The following CDYL variants were observed in gnomAD, a reference collection of about 807,000 sequenced individuals.
The protein encoded by CDYL is chromodomain Y-like protein.
A neutral mutation model predicts 47.3 loss-of-function variants in CDYL; 8 were observed. The ratio of observed to expected loss-of-function variants is 0.17; its 90% CI spans 0.10 to 0.31. The LOEUF (loss-of-function observed/expected upper bound fraction) is 0.31, where lower values mean the gene tolerates loss of function less well. Among genes scored for constraint, CDYL ranks in the 10% least tolerant of loss-of-function variants. CDYL has a pLI of 1.00. For synonymous variants in CDYL, 266 were observed against 265.0 expected, an observed-to-expected ratio of 1.00 and a Z score of -0.04; for missense variants, 471 against 701.4, an observed-to-expected ratio of 0.67 and a Z score of 3.71.
intron 2 of CDYL, among the ~76,000 whole-genome samples, chr6:4,932,967 T>C (rs1235415569): frequency 2.0e-5 from 3 of 152,182 alleles, no homozygotes; most frequent in Non-Finnish European, 4.4e-5. Context: ...TGCTTACGAG[T>C]GGCCTCTCAT....
At chr6:4,724,698 G>C (rs959844306) in intron 2 of CDYL, 1 of 152,166 alleles carries the variant, frequency 6.6e-6, no homozygotes, top group African/African-American at 2.4e-5. Context: ...CAGCGCGTCT[G>C]GAATTCTTCG....
At chr6:4,948,149 C>G (rs1374338322) in intron 5 of CDYL, among the ~76,000 whole-genome samples, 2 of 152,122 alleles carry the variant, frequency 1.3e-5, no homozygotes, top group African/African-American at 2.4e-5. Context: ...TGGAACATCC[C>G]GTGAATCTCA....
At chr6:4,842,121 A>G (rs952844890) in intron 1 of CDYL, among the ~76,000 whole-genome samples, 43 of 143,356 alleles carry the variant, frequency 3.0e-4, no homozygotes, top group African/African-American at 1.1e-3. Flanking sequence ...TTTATATATA[A>G]ACTTGTTAAT....
At chr6:4,935,170 T>C (rs1381739361) in intron 2 of CDYL, among the ~76,000 whole-genome samples, 1 of 152,238 alleles carries the variant, frequency 6.6e-6, no homozygotes, top group Non-Finnish European at 1.5e-5. Flanking sequence ...CTTTTTTCTT[T>C]CGGCTTCTCA....
chr6:4,855,749 T>A (rs961856582), intron 1 of CDYL, among the ~76,000 whole-genome samples: 4 of 152,232 alleles, frequency 2.6e-5, no homozygotes, highest in African/African-American at 9.7e-5. Flanking sequence ...AACCTGACTA[T>A]GGGCAACACA....
chr6:4,874,577 TTAAA>T (rs1365066910), intron 1 of CDYL, among the ~76,000 whole-genome samples: 1 of 152,200 alleles, frequency 6.6e-6, no homozygotes, highest in Non-Finnish European at 1.5e-5. Flanking sequence ...GCTAGGTGCG[TTAAA>T]TGAGATATGG....
chr6:4,740,942 G>A (rs915139450), intron 3 of CDYL, among the ~76,000 whole-genome samples: 6 of 151,762 alleles, frequency 4.0e-5, no homozygotes, highest in Non-Finnish European at 7.4e-5. Flanking sequence ...ATGTGCCACC[G>A]TGCCTGGCTA....
Position 4,739,503 on chromosome 6 carries a change from A to G in CDYL, c.186+4659A>G, listed in dbSNP as rs1378149503. ...CATTTGCACTCCAGCCTGGGTGACA[A>G]GAGTAAAACTCTGACTCAAAAAAAA... On this transcript the variant is annotated intron_variant, in intron 3 of 8. Coordinates refer to the CDYL transcript ENST00000328908. 1.3e-5 allele frequency among the ~76,000 whole-genome samples: 2 copies of G among 149,878 alleles called. 1 individual carries two copies. The highest frequency in any genetic ancestry group is 4.9e-5 in the African/African-American group (2 of 40,928).
intron 2 of CDYL, among the ~76,000 whole-genome samples, chr6:4,723,636 C>G (rs1287118230): frequency 1.3e-5 from 2 of 152,102 alleles, no homozygotes; most frequent in Non-Finnish European, 2.9e-5. Context: ...ACTGTGCCTC[C>G]CACTGGGTAA....
intron 1 of CDYL, among the ~76,000 whole-genome samples, chr6:4,869,113 C>A (rs570167042): frequency 7.1e-6 from 1 of 141,258 alleles, no homozygotes; most frequent in African/African-American, 2.7e-5. Context: ...TTTTTTTTTT[C>A]GAGACGGAGT....
chr6:4,782,059 G>T (rs1289985439), intron 1 of CDYL, among the ~76,000 whole-genome samples: 1 of 151,440 alleles, frequency 6.6e-6, no homozygotes, highest in African/African-American at 2.4e-5. Flanking sequence ...TCTGCGTGGA[G>T]GTGGGTGGGG....
At chr6:4,920,376 G>A (rs1757676905) in intron 2 of CDYL, among the ~76,000 whole-genome samples, 1 of 152,154 alleles carries the variant, frequency 6.6e-6, no homozygotes, top group African/African-American at 2.4e-5. Context: ...TAATATGTAG[G>A]ACTTGTGAAA....
chr6:4,813,813 C>T (rs932886873), intron 1 of CDYL, among the ~76,000 whole-genome samples: 1 of 151,936 alleles, frequency 6.6e-6, no homozygotes, highest in Non-Finnish European at 1.5e-5. Context: ...TGCTCTGTAG[C>T]CCAGGCTGGA....
rs1265969755 is a variant in CDYL, at chr6:4,954,818, A to C, written c.*762A>C. The C allele has an allele frequency of 6.6e-6, 1 of 152,238 alleles. No individual in the cohort carries two copies. The highest frequency in any genetic ancestry group is 1.5e-5 in the Non-Finnish European group (1 of 68,046). The allele number at this position is 152,238 out of a possible 1,614,324, so 9.4% of individuals were successfully genotyped here. ...CTTAAGTATGACTATCTAAGTTATA[A>C]GTTAGTCTTTAGTGGGTTTTAAATA... On this transcript the variant is annotated 3_prime_UTR_variant, in exon 7 of 7. Coordinates refer to ENST00000397588, the MANE Select transcript of CDYL (RefSeq NM_004824.4).
At chr6:4,727,351 TAAG>T (rs1444042332) in intron 2 of CDYL, among the ~76,000 whole-genome samples, 1 of 152,094 alleles carries the variant, frequency 6.6e-6, no homozygotes, top group East Asian at 1.9e-4. Flanking sequence ...CAGAGGAACT[TAAG>T]AACTCCTCTC....
intron 2 of CDYL, among the ~76,000 whole-genome samples, chr6:4,893,831 C>G (rs1023409577): frequency 1.3e-5 from 2 of 152,240 alleles, no homozygotes; most frequent in African/African-American, 4.8e-5. Context: ...GCGAAGTGTT[C>G]ACTAAGACAT....
rs1042012722 is a variant in CDYL, at chr6:4,833,439, A to G, written c.24+56632A>G. On this transcript the variant is annotated intron_variant, in intron 1 of 6. Coordinates refer to ENST00000397588, the MANE Select transcript of CDYL (RefSeq NM_004824.4). Reference sequence around the variant, plus strand: ...TTGATTGCACTGTGGTCTGAGAGATAGTTTGTTACAATTTCTGTTCTTTTA... The same window carrying G: ...TTGATTGCACTGTGGTCTGAGAGATGGTTTGTTACAATTTCTGTTCTTTTA... Among the ~76,000 whole-genome samples the G allele has an allele frequency of 4.0e-5, 6 of 151,872 alleles. No homozygotes were observed. In the South Asian group the frequency reaches 6.2e-4, roughly 16 times the overall value.
intron 3 of CDYL, among the ~76,000 whole-genome samples, chr6:4,748,667 A>ACACACACG (rs1270952991): frequency 6.6e-6 from 1 of 151,674 alleles, no homozygotes; most frequent in African/African-American, 2.4e-5. Flanking sequence ...ACACACACAC[A>ACACACACG]CACACACACA....
rs116823876 is a variant in CDYL, at chr6:4,908,996, G to A, written c.691+16617G>A. Reference sequence around the variant, plus strand: ...GTGGGATTTAAAAGTTTCCATGTTCGTGTACAGGAGTGTACAAAATATGCA... The same window carrying A: ...GTGGGATTTAAAAGTTTCCATGTTCATGTACAGGAGTGTACAAAATATGCA... On this transcript the variant is annotated intron_variant, in intron 2 of 6. Transcript: ENST00000397588. Among the ~76,000 whole-genome samples, 48 of 152,324 alleles carry A rather than the reference G, an allele frequency of 3.2e-4. No individual in the cohort carries two copies. In the South Asian group the frequency reaches 6.0e-3, roughly 19 times the overall value.
Sources: allele counts gnomAD v4.1 joint callset (sites outside exome capture counted in the v4.1 genomes callset), GRCh38; gene constraint gnomAD v4.1.1; transcripts MANE v1.5; gene names NCBI Gene and HGNC (gene_info 2026-07-23, HGNC 2026-07-21).